The following ATP2B1 variants were observed in gnomAD, a reference collection of about 807,000 sequenced individuals.
ATP2B1 encodes the protein ATPase plasma membrane Ca2+ transporting 1.
Under a neutral mutation model 124.2 loss-of-function variants are expected in ATP2B1, and 14 were observed. The observed-to-expected ratio is 0.11, with a 90% CI of 0.07 to 0.18. The LOEUF is 0.18. ATP2B1 is among the 10% of genes least tolerant of loss of function. The probability of loss-of-function intolerance (pLI) is 1.00; values close to 1 mark genes in which losing one functional copy is unlikely to be tolerated. For missense variants in ATP2B1, 763 were observed against 1,466.1 expected (o/e 0.52, Z 7.83); for synonymous variants, 449 against 492.4 (o/e 0.91, Z 1.17).
intron 20 of ATP2B1, among the ~76,000 whole-genome samples, chr12:89,592,045 G>C (rs1873673948): frequency 6.6e-6 from 1 of 151,984 alleles, no homozygotes; most frequent in East Asian, 1.9e-4. Flanking sequence ...AATTTCCCAA[G>C]AAGACACAAA....
chr12:89,649,512 C>T (rs759177295), intron 2 of ATP2B1, among the ~76,000 whole-genome samples: 36 of 152,280 alleles, frequency 2.4e-4, no homozygotes, highest in Non-Finnish European at 3.4e-4. Context: ...AATGCCTGTA[C>T]CACAACTGCA....
intron 1 of ATP2B1, among the ~76,000 whole-genome samples, chr12:89,694,180 T>C (rs956252805): frequency 2.6e-5 from 4 of 152,220 alleles, no homozygotes; most frequent in Non-Finnish European, 4.4e-5. Context: ...AATGTTCAAA[T>C]ACATATATAT....
chr12:89,615,837 A>G (rs1260931095), intron 12 of ATP2B1, among the ~76,000 whole-genome samples: 5 of 152,160 alleles, frequency 3.3e-5, no homozygotes, highest in Non-Finnish European at 7.4e-5. Flanking sequence ...TACATTCTCG[A>G]TTTTTTAAAA....
At chr12:89,697,087 AG>A (rs1203620711) in intron 1 of ATP2B1, among the ~76,000 whole-genome samples, 3 of 151,244 alleles carry the variant, frequency 2.0e-5, no homozygotes, top group Non-Finnish European at 4.4e-5. Flanking sequence ...AAAAAAAGCA[AG>A]AAGTAATTCA....
At chr12:89,706,281 T>C (rs1892445281) in intron 1 of ATP2B1, among the ~76,000 whole-genome samples, 1 of 151,228 alleles carries the variant, frequency 6.6e-6, no homozygotes, top group African/African-American at 2.4e-5. Flanking sequence ...TGTAAAACAG[T>C]AAAATCACAA....
chr12:89,602,689 T>A (rs1052178391), intron 18 of ATP2B1, among the ~76,000 whole-genome samples: 25 of 152,350 alleles, frequency 1.6e-4, no homozygotes, highest in African/African-American at 2.4e-4. Context: ...TAATTTTTTT[T>A]AAAATTTAAA....
chr12:89,694,401 T>C (rs961291889), intron 1 of ATP2B1, among the ~76,000 whole-genome samples: 6 of 152,104 alleles, frequency 3.9e-5, no homozygotes, highest in African/African-American at 1.4e-4. Flanking sequence ...TCTCTCAACA[T>C]CCCCCAAACC....
intron 1 of ATP2B1, among the ~76,000 whole-genome samples, chr12:89,658,598 G>GAGAGAGA (rs1886258752): frequency 4.3e-5 from 3 of 69,584 alleles, no homozygotes; most frequent in African/African-American, 1.8e-4. Flanking sequence ...AATTCAAACA[G>GAGAGAGA]GAGAGAGAGA....
chr12:89,624,170 A>G lies in ATP2B1; in HGVS notation c.1344+13T>C. ...TAAACATAACAACGTCTACTGAACT[A>G]TTTTCTACTTACTTTGACTGAATAA... is the stretch of plus-strand genomic sequence containing the variant. On this transcript the variant is annotated intron_variant, in intron 9 of 20. Coordinates refer to ENST00000428670, the MANE Select transcript of ATP2B1 (RefSeq NM_001366521.1). 6.2e-7 allele frequency: 1 copy of G among 1,611,834 alleles called. No individual in the cohort carries two copies. Among genetic ancestry groups the G allele is most frequent in the Non-Finnish European group, 8.5e-7 (1 of 1,178,200 alleles).
At chr12:89,623,503 C>G (rs1441601236) in intron 9 of ATP2B1, among the ~76,000 whole-genome samples, 2 of 152,106 alleles carry the variant, frequency 1.3e-5, no homozygotes, top group Non-Finnish European at 2.9e-5. Context: ...ACTTGGAAAA[C>G]AAGAAGGACT....
intron 1 of ATP2B1, among the ~76,000 whole-genome samples, chr12:89,684,840 A>G (rs551864885): frequency 2.6e-5 from 4 of 152,242 alleles, no homozygotes; most frequent in African/African-American, 9.6e-5. Flanking sequence ...TTTTACTAAT[A>G]TGAGCGATTT....
At chr12:89,630,345 T>G (rs1266239042) in intron 6 of ATP2B1, among the ~76,000 whole-genome samples, 160 bp downstream of exon 6, 1 of 152,210 alleles carries the variant, frequency 6.6e-6, no homozygotes, top group Non-Finnish European at 1.5e-5. Flanking sequence ...AGGGGACTGA[T>G]GTATTCTCTA....
chr12:89,609,860 T>A, intron 15 of ATP2B1, 77 bp downstream of exon 15: 1 of 1,305,524 alleles, frequency 7.7e-7, no homozygotes, highest in Middle Eastern at 1.9e-4. Context: ...CATAGTAATT[T>A]AGTCAACAAA....
chr12:89,702,516 C>T (rs1891974943), intron 1 of ATP2B1, among the ~76,000 whole-genome samples: 1 of 152,154 alleles, frequency 6.6e-6, no homozygotes, highest in Admixed American at 6.5e-5. Flanking sequence ...AGGGTTAATA[C>T]AATGAATAAT....
intron 12 of ATP2B1, among the ~76,000 whole-genome samples, chr12:89,613,708 T>G (rs751882090): frequency 2.0e-5 from 3 of 152,166 alleles, no homozygotes; most frequent in Non-Finnish European, 4.4e-5. Context: ...AGGGAGAAAT[T>G]GGTCTCAGGT....
chr12:89,647,923 G>A (rs1321877656), intron 2 of ATP2B1, among the ~76,000 whole-genome samples: 1 of 152,132 alleles, frequency 6.6e-6, no homozygotes, highest in Non-Finnish European at 1.5e-5. Context: ...TAACGTGCCT[G>A]CTCCTGCTTC....
intron 2 of ATP2B1, among the ~76,000 whole-genome samples, chr12:89,643,474 A>G (rs1406729417): frequency 6.6e-6 from 1 of 152,158 alleles, no homozygotes; most frequent in Non-Finnish European, 1.5e-5. Flanking sequence ...GATCTTTCTT[A>G]GAAGTAATAG....
At chr12:89,692,682 G>A (rs1252857764) in intron 1 of ATP2B1, among the ~76,000 whole-genome samples, 1 of 152,082 alleles carries the variant, frequency 6.6e-6, no homozygotes, top group African/African-American at 2.4e-5. Context: ...GTGGTAGGAG[G>A]TGCTCCTTAC....
At chr12:89,611,624 A>ATGGC (rs1878039585) in intron 12 of ATP2B1, 1 of 332,586 alleles carries the variant, frequency 3.0e-6, no homozygotes, top group Non-Finnish European at 5.4e-6. Context: ...TGTTTGCAGT[A>ATGGC]TTTATTTACA....
Sources: allele counts gnomAD v4.1 joint callset (sites outside exome capture counted in the v4.1 genomes callset), GRCh38; gene constraint gnomAD v4.1.1; transcripts MANE v1.5; gene names NCBI Gene and HGNC (gene_info 2026-07-23, HGNC 2026-07-21).